Variants in KANSL1L observed in about 807,000 individuals in gnomAD.
KANSL1L encodes KAT8 regulatory NSL complex subunit 1-like protein.
A neutral mutation model predicts 108.6 loss-of-function variants in KANSL1L; 25 were observed. That is an observed-to-expected ratio of 0.23 (90% CI 0.17 to 0.32). The LOEUF (loss-of-function observed/expected upper bound fraction) is 0.32. KANSL1L is among the 10% of genes least tolerant of loss of function. KANSL1L has a pLI of 1.00. For synonymous variants in KANSL1L, 405 were observed against 395.1 expected (o/e 1.03, Z -0.30); for missense variants, 1,137 against 1,125.7 (o/e 1.01, Z -0.14).
intron 3 of KANSL1L, among the ~76,000 whole-genome samples, chr2:210,109,409 A>G (rs1575547780): frequency 1.3e-5 from 2 of 152,084 alleles, no homozygotes; most frequent in African/African-American, 4.8e-5. Flanking sequence ...ACCTATCCCT[A>G]TCAACCTTCA....
In KANSL1L at chr2:210,040,325, C is replaced by A. The variant is rs545120982; in HGVS notation, c.2029+95G>T. On this transcript the variant is annotated intron_variant, in intron 8 of 14. Coordinates refer to ENST00000281772, the MANE Select transcript of KANSL1L (RefSeq NM_152519.4). Reference sequence around the variant, plus strand: ...TAAAAATTAAGGATTTTCATGTATTCTTTTCTTAGATTTTATTTTTCTTAG... The same window carrying A: ...TAAAAATTAAGGATTTTCATGTATTATTTTCTTAGATTTTATTTTTCTTAG... The A allele has an allele frequency of 1.8e-5, 12 of 684,014 alleles. No individual in the cohort carries two copies. The East Asian group carries it at 2.2e-4, about 13-fold the overall frequency. The allele number at this position is 684,014 out of a possible 1,614,324, so 42.4% of individuals were successfully genotyped here.
chr2:210,090,407 G>C (rs75088437), intron 5 of KANSL1L, among the ~76,000 whole-genome samples: 157 of 152,310 alleles, frequency 1.0e-3, no homozygotes, highest in Non-Finnish European at 1.8e-3. Context: ...CTGAGTGATT[G>C]TCAAATGTGG....
At chr2:210,052,263 A>G (rs538161654) in intron 6 of KANSL1L, among the ~76,000 whole-genome samples, 1 of 152,126 alleles carries the variant, frequency 6.6e-6, no homozygotes, top group East Asian at 1.9e-4. Flanking sequence ...TCAGCCTCCC[A>G]AAGTGCTGGG....
At chr2:210,092,077 C>G (rs527326913) in intron 5 of KANSL1L, among the ~76,000 whole-genome samples, 42 of 152,268 alleles carry the variant, frequency 2.8e-4, no homozygotes, top group African/African-American at 9.9e-4. Flanking sequence ...TCTCCCACTT[C>G]TGGTTGCTTT....
chr2:210,025,015 C>G, intron 13 of KANSL1L, 89 bp downstream of exon 13: 2 of 797,088 alleles, frequency 2.5e-6, no homozygotes, highest in South Asian at 2.8e-5. Context: ...GCATGTTTTC[C>G]TTTTTACTGG....
At chr2:210,146,383 C>A (rs2095266104) in intron 2 of KANSL1L, among the ~76,000 whole-genome samples, 1 of 152,184 alleles carries the variant, frequency 6.6e-6, no homozygotes, top group Non-Finnish European at 1.5e-5. Context: ...TTGCTTCTAT[C>A]ACTCAGCTTA....
intron 8 of KANSL1L, among the ~76,000 whole-genome samples, chr2:210,036,169 T>G (rs991286221): frequency 6.6e-6 from 1 of 152,108 alleles, no homozygotes; most frequent in Non-Finnish European, 1.5e-5. Flanking sequence ...ACATACTCCT[T>G]ATTTATATCT....
At chr2:210,056,915 G>A (rs894257681) in intron 6 of KANSL1L, among the ~76,000 whole-genome samples, 12 of 152,134 alleles carry the variant, frequency 7.9e-5, no homozygotes, top group African/African-American at 2.2e-4. Flanking sequence ...CAAAGCAGAC[G>A]CCAAGGCAAA....
intron 1 of KANSL1L, among the ~76,000 whole-genome samples, chr2:210,158,925 G>C (rs2095347704): frequency 6.6e-6 from 1 of 152,002 alleles, no homozygotes; most frequent in South Asian, 2.1e-4. Flanking sequence ...TACCACTTCT[G>C]ACGACCTCCA....
intron 12 of KANSL1L, chr2:210,026,351 T>A (rs2093936694): frequency 6.6e-6 from 1 of 152,192 alleles, no homozygotes; most frequent in African/African-American, 2.4e-5. Flanking sequence ...TTGATATAAT[T>A]TTATCCATAC....
rs1038850179 is a variant in KANSL1L at position 210,044,544 on chromosome 2, T to A, written c.1756-440A>T. On this transcript the variant is annotated intron_variant, in intron 6 of 14. Transcript: ENST00000281772. The surrounding 1 kb of genome is among the most constrained non-coding windows in gnomAD (Gnocchi z 4.2). ...GTTTTGTTCCTGATTGTAATGGGAA[T>A]GCTTTTAATTTATCACAATAAGAAT... is the stretch of plus-strand genomic sequence containing the variant. Among the ~76,000 whole-genome samples, 1 of 152,090 alleles carries A rather than the reference T, an allele frequency of 6.6e-6. No individual in the cohort carries two copies. Among genetic ancestry groups the A allele is most frequent in the African/African-American group, 2.4e-5 (1 of 41,436 alleles).
chr2:210,059,041 T>G (rs1219560167), intron 6 of KANSL1L, among the ~76,000 whole-genome samples: 1 of 147,266 alleles, frequency 6.8e-6, no homozygotes, highest in African/African-American at 2.5e-5. Flanking sequence ...GCCCAATATC[T>G]GGCTGAATTT....
At chr2:210,055,769 G>C (rs2094343528) in intron 6 of KANSL1L, among the ~76,000 whole-genome samples, 1 of 152,194 alleles carries the variant, frequency 6.6e-6, no homozygotes, top group African/African-American at 2.4e-5. Context: ...AGAGTATCTG[G>C]TGGAAGAAAT....
At chr2:210,146,263 A>G (rs1039128449) in intron 2 of KANSL1L, among the ~76,000 whole-genome samples, 11 of 152,166 alleles carry the variant, frequency 7.2e-5, no homozygotes, top group African/African-American at 2.7e-4. Flanking sequence ...GTTGCTACAA[A>G]TTCATACTTA....
intron 2 of KANSL1L, among the ~76,000 whole-genome samples, chr2:210,139,084 G>C (rs1416939664): frequency 6.6e-6 from 1 of 152,054 alleles, no homozygotes; most frequent in African/African-American, 2.4e-5. Flanking sequence ...GGGCAACAAA[G>C]CAAGACTCCA....
Position 210,079,648 on chromosome 2 carries a change from A to ATATGTGTG in KANSL1L, c.1551-3893_1551-3892insCACACATA, listed in dbSNP as rs1553653239. 8.6e-4 allele frequency among the ~76,000 whole-genome samples: 13 copies of ATATGTGTG among 15,200 alleles called. 1 individual carries two copies. The East Asian group carries it at 0.02, about 23-fold the overall frequency. The allele number at this position is 15,200 out of a possible 152,430, so 10.0% of individuals were successfully genotyped here. On this transcript the variant is annotated intron_variant, in intron 5 of 14. Coordinates refer to ENST00000281772, the MANE Select transcript of KANSL1L (RefSeq NM_152519.4). ...TATATATATATATATATATATATAT[A>ATATGTGTG]TATATATATATATATATGTATGTGT...
chr2:210,158,518 T>C (rs1054713686), intron 1 of KANSL1L, among the ~76,000 whole-genome samples: 6 of 152,172 alleles, frequency 3.9e-5, no homozygotes, highest in South Asian at 4.1e-4. Flanking sequence ...ACAGCAATTA[T>C]GAAATAACAC....
chr2:210,162,967 G>A (rs576375198), intron 1 of KANSL1L, among the ~76,000 whole-genome samples: 1 of 152,320 alleles, frequency 6.6e-6, no homozygotes, highest in East Asian at 1.9e-4. Flanking sequence ...AAGCACTAGT[G>A]AAGTTCACAG....
intron 5 of KANSL1L, among the ~76,000 whole-genome samples, chr2:210,076,361 T>C (rs553831755): frequency 2.2e-4 from 34 of 152,116 alleles, no homozygotes; most frequent in Non-Finnish European, 4.6e-4. Flanking sequence ...CTAGTTTTCA[T>C]ATTTTAGTAG....
Sources: gnomAD v4.1 joint callset for allele counts (sites outside exome capture counted in the v4.1 genomes callset) on GRCh38, gnomAD v4.1.1 for gene constraint, Gnocchi (gnomAD v3.1) non-coding constraint, MANE v1.5 for transcripts, NCBI Gene and HGNC (gene_info 2026-07-23, HGNC 2026-07-21) for gene names.